TRIP4: variants seen among roughly 807,000 people sequenced by gnomAD.
TRIP4 encodes the protein activating signal cointegrator 1.
A neutral mutation model predicts 81.8 loss-of-function variants in TRIP4; 54 were observed. The observed-to-expected ratio is 0.66, with a 90% CI of 0.53 to 0.83. The LOEUF (loss-of-function observed/expected upper bound fraction) is 0.83, where lower values mean the gene tolerates loss of function less well. TRIP4 is among the 40% of genes least tolerant of loss of function. The pLI is 0.00. For missense variants in TRIP4, 662 were observed against 683.6 expected (o/e 0.97, Z 0.35); for synonymous variants, 270 against 242.8 (o/e 1.11, Z -1.04).
chr15:64,435,632 A>T (rs1892375419), intron 11 of TRIP4, among the ~76,000 whole-genome samples: 1 of 151,072 alleles, frequency 6.6e-6, no homozygotes, highest in South Asian at 2.1e-4. Flanking sequence ...GTTAAATACT[A>T]AGGATCCAGA....
At chr15:64,450,197 C>G (rs982610686) in intron 12 of TRIP4, among the ~76,000 whole-genome samples, 1 of 151,864 alleles carries the variant, frequency 6.6e-6, no homozygotes, top group Non-Finnish European at 1.5e-5. Context: ...AGACCATCCT[C>G]GCTAACACGG....
intron 12 of TRIP4, among the ~76,000 whole-genome samples, chr15:64,452,241 C>T (rs555838902): frequency 1.3e-5 from 2 of 152,260 alleles, no homozygotes; most frequent in East Asian, 1.9e-4. Flanking sequence ...CTTGGCCTCC[C>T]AAAGTACTGG....
intron 12 of TRIP4, among the ~76,000 whole-genome samples, chr15:64,452,180 C>G (rs1390642792): frequency 6.6e-6 from 1 of 152,066 alleles, no homozygotes. Context: ...CAGTATTTCA[C>G]CATGTTGGCC....
chr15:64,407,967 C>T (rs1891667627), intron 6 of TRIP4, among the ~76,000 whole-genome samples: 2 of 151,690 alleles, frequency 1.3e-5, no homozygotes. Context: ...AGTAATGTTA[C>T]ATGCCTGTAA....
At chr15:64,411,975 C>T (rs558213611) in intron 7 of TRIP4, among the ~76,000 whole-genome samples, 4 of 152,226 alleles carry the variant, frequency 2.6e-5, no homozygotes, top group East Asian at 1.9e-4. Flanking sequence ...CCACTGCGCC[C>T]GGCACTAAAT....
chr15:64,400,684 T>A, intron 4 of TRIP4, 59 bp from the exon 5 acceptor site: 1 of 1,359,842 alleles, frequency 7.4e-7, no homozygotes, highest in East Asian at 2.3e-5. Context: ...TTTAGATATA[T>A]CAAGAAAGCA....
chr15:64,408,080 C>G (rs1433637219), intron 6 of TRIP4, among the ~76,000 whole-genome samples: 5 of 144,292 alleles, frequency 3.5e-5, no homozygotes. Context: ...CTGGGTGTCA[C>G]AGCGAGATTG....
chr15:64,451,200 C>T (rs1249563236), intron 12 of TRIP4, among the ~76,000 whole-genome samples: 2 of 152,024 alleles, frequency 1.3e-5, no homozygotes, highest in Non-Finnish European at 2.9e-5. Flanking sequence ...GCAACCTCTG[C>T]CTCCTGGGTT....
At chr15:64,419,949 G>C (rs989303447) in intron 9 of TRIP4, among the ~76,000 whole-genome samples, 3 of 151,476 alleles carry the variant, frequency 2.0e-5, no homozygotes, top group Non-Finnish European at 4.4e-5. Flanking sequence ...CCGAGTAGCT[G>C]GGATCACAGG....
chr15:64,407,911 G>A (rs777851604), intron 6 of TRIP4, among the ~76,000 whole-genome samples: 4 of 151,944 alleles, frequency 2.6e-5, no homozygotes, highest in African/African-American at 9.7e-5. Context: ...AGCCTGGGCA[G>A]CATAGCAAAA....
intron 5 of TRIP4, among the ~76,000 whole-genome samples, chr15:64,402,025 A>G (rs1417989502): frequency 6.6e-6 from 1 of 152,232 alleles, no homozygotes; most frequent in Non-Finnish European, 1.5e-5. Context: ...TGGGAAAAAA[A>G]TGTTAAAATC....
At chr15:64,414,815 G>T (rs1891857633) in intron 8 of TRIP4, among the ~76,000 whole-genome samples, 1 of 152,006 alleles carries the variant, frequency 6.6e-6, no homozygotes, top group Non-Finnish European at 1.5e-5. Context: ...AGGGAAGCTG[G>T]CATTCATTAA....
intron 11 of TRIP4, among the ~76,000 whole-genome samples, chr15:64,436,203 G>A (rs181028399): frequency 6.7e-6 from 1 of 148,584 alleles, no homozygotes; most frequent in African/African-American, 2.5e-5. Context: ...GCTGAGGCAG[G>A]AGAATCCCTT....
At position 64,425,646 on chromosome 15, in the gene TRIP4, C is replaced by CT. The variant is rs761611468; in HGVS notation, c.1575+26dup. ...TTAAGGAGCAGGTGAGTAAAGAATACTTTTTTTTTTTAGAGACAGGGTTTC... is the reference window on the plus strand; with the variant it reads ...TTAAGGAGCAGGTGAGTAAAGAATACTTTTTTTTTTTTAGAGACAGGGTTTC... On this transcript the variant is annotated intron_variant, in intron 11 of 12. Transcript: ENST00000261884. 0.076 allele frequency: 83,188 copies of CT among 1,099,044 alleles called. 51 individuals carry two copies. Among genetic ancestry groups the CT allele is most frequent in the South Asian group, 0.086 (5,162 of 59,878 alleles). The allele number at this position is 1,099,044 out of a possible 1,614,324, so 68.1% of individuals were successfully genotyped here.
chr15:64,450,164 C>CAAGT (rs1390027413), intron 12 of TRIP4, among the ~76,000 whole-genome samples: 1 of 151,718 alleles, frequency 6.6e-6, no homozygotes, highest in Non-Finnish European at 1.5e-5. Context: ...GAGGCCGAGG[C>CAAGT]GGATCACAAG....
chr15:64,421,053 T>C (rs1188917604), intron 9 of TRIP4, among the ~76,000 whole-genome samples: 1 of 150,928 alleles, frequency 6.6e-6, no homozygotes, highest in Non-Finnish European at 1.5e-5. Context: ...CTCATGCCTG[T>C]AATCCCAGCA....
intron 1 of TRIP4, among the ~76,000 whole-genome samples, chr15:64,390,925 G>A (rs1253840931): frequency 6.6e-6 from 1 of 152,048 alleles, no homozygotes; most frequent in African/African-American, 2.4e-5. Context: ...TTCCGCCTGG[G>A]AAGGAGGTCA....
chr15:64,408,461 G>A (rs994011442), intron 6 of TRIP4, among the ~76,000 whole-genome samples: 1 of 150,130 alleles, frequency 6.7e-6, no homozygotes, highest in African/African-American at 2.5e-5. Flanking sequence ...GGGTTTCACC[G>A]TGTTAGCCAG....
At chr15:64,407,149 TC>T (rs1447399138) in intron 6 of TRIP4, among the ~76,000 whole-genome samples, 1 of 152,054 alleles carries the variant, frequency 6.6e-6, no homozygotes, top group East Asian at 1.9e-4. Context: ...ACTCTGAGGG[TC>T]CTCAGAGAGA....
Sources: allele counts gnomAD v4.1 joint callset (sites outside exome capture counted in the v4.1 genomes callset), GRCh38; gene constraint gnomAD v4.1.1; transcripts MANE v1.5; gene names NCBI Gene and HGNC (gene_info 2026-07-23, HGNC 2026-07-21).